Variants in KANSL2 observed in about 807,000 individuals in gnomAD.
The protein encoded by KANSL2 is KAT8 regulatory NSL complex subunit 2, also known as NSL complex protein NSL2.
In KANSL2, 34 loss-of-function variants were observed where a neutral mutation model predicts 55.6. That is an observed-to-expected ratio of 0.61 (90% CI 0.46 to 0.81). KANSL2 has a LOEUF of 0.81. KANSL2 is among the 40% of genes least tolerant of loss of function. The probability of loss-of-function intolerance (pLI) is 0.00; values close to 1 mark genes in which losing one functional copy is unlikely to be tolerated. For missense variants in KANSL2, 502 were observed against 609.9 expected (o/e 0.82, Z 1.86); for synonymous variants, 209 against 214.3 (o/e 0.98, Z 0.22).
chr12:48,662,676 G>A (rs1213974125), intron 7 of KANSL2: 2 of 1,283,612 alleles, frequency 1.6e-6, no homozygotes, highest in Admixed American at 4.7e-5. Flanking sequence ...ACTTAAGGAA[G>A]GGTAAGTGAC....
chr12:48,670,317 C>A (rs1375899606), intron 5 of KANSL2, among the ~76,000 whole-genome samples: 1 of 151,734 alleles, frequency 6.6e-6, no homozygotes, highest in Non-Finnish European at 1.5e-5. Context: ...GTACTCCACT[C>A]TATTTATTAA....
At chr12:48,672,240 A>T (rs1294130630) in intron 4 of KANSL2, among the ~76,000 whole-genome samples, 1 of 151,944 alleles carries the variant, frequency 6.6e-6, no homozygotes, top group Non-Finnish European at 1.5e-5. Flanking sequence ...GAAAGTGAAC[A>T]TGCGGAACAC....
chr12:48,669,993 G>A (rs2137192960), intron 5 of KANSL2, among the ~76,000 whole-genome samples: 1 of 152,046 alleles, frequency 6.6e-6, no homozygotes, highest in East Asian at 2.0e-4. Flanking sequence ...ACCAGATCAG[G>A]AGATTGAGAA....
chr12:48,654,092 ACT>A lies in KANSL2; in HGVS notation c.1429_1430del (p.Ser477TrpfsTer15). On this transcript the variant is annotated frameshift_variant, in exon 10 of 10. Coordinates refer to ENST00000420613, the MANE Select transcript of KANSL2 (RefSeq NM_017822.4). LOFTEE classifies it high-confidence loss of function. ...GCTTCCCATTTGCAGTAGCCAATCC[ACT>A]CTGAGACAATGGTGCAGAGGCTTTC... ...SEKASAPLSQ[S>X]GLATANGKPE... The A allele has an allele frequency of 6.2e-7, 1 of 1,612,232 alleles. No homozygotes were observed. The highest frequency in any genetic ancestry group is 8.5e-7 in the Non-Finnish European group (1 of 1,179,192).
intron 4 of KANSL2, among the ~76,000 whole-genome samples, chr12:48,678,407 T>C (rs1668910702): frequency 6.6e-6 from 1 of 152,172 alleles, no homozygotes; most frequent in African/African-American, 2.4e-5. Context: ...TCGGTTTCTC[T>C]TTCTTAGGCA....
chr12:48,657,166 A>G (rs1284194158), intron 8 of KANSL2, among the ~76,000 whole-genome samples: 2 of 152,172 alleles, frequency 1.3e-5, no homozygotes, highest in Non-Finnish European at 2.9e-5. Context: ...GCGGATCATG[A>G]GGTCAAGAGA....
intron 7 of KANSL2, 97 bp downstream of exon 7, chr12:48,667,596 G>A (rs750660861): frequency 4.0e-6 from 4 of 1,006,918 alleles, no homozygotes; most frequent in Non-Finnish European, 6.3e-6. Context: ...AGGGCCAAAG[G>A]AAAACAAAAT....
At chr12:48,654,477 C>T (rs1163156729) in intron 9 of KANSL2, 1 of 656,378 alleles carries the variant, frequency 1.5e-6, no homozygotes, top group Admixed American at 1.8e-5. Context: ...CTGCTTGAAA[C>T]CAACAGCCAC....
At chr12:48,664,989 C>A (rs1257516039) in intron 7 of KANSL2, among the ~76,000 whole-genome samples, 6 of 146,828 alleles carry the variant, frequency 4.1e-5, no homozygotes, top group Non-Finnish European at 9.0e-5. Context: ...CTCAAAAAAT[C>A]CTCCCAGGTA....
intron 4 of KANSL2, among the ~76,000 whole-genome samples, 190 bp downstream of exon 4, chr12:48,678,845 CT>C (rs767311271): frequency 2.0e-5 from 3 of 152,104 alleles, no homozygotes; most frequent in Admixed American, 6.5e-5. Flanking sequence ...AATTACAAGG[CT>C]TCTAAAAAAG....
chr12:48,669,302 G>A, intron 5 of KANSL2, 30 bp from the exon 6 acceptor site: 2 of 1,495,152 alleles, frequency 1.3e-6, no homozygotes, highest in African/African-American at 1.4e-5. Flanking sequence ...GATGTTATTT[G>A]CCAAGCAATC....
At chr12:48,672,035 T>A in intron 4 of KANSL2, 73 bp from the exon 5 acceptor site, 2 of 1,298,474 alleles carry the variant, frequency 1.5e-6, no homozygotes, top group Non-Finnish European at 2.1e-6. Flanking sequence ...AGAGTAGAGA[T>A]GTCAGACTAA....
chr12:48,675,663 C>T (rs146685751), intron 4 of KANSL2, among the ~76,000 whole-genome samples: 175 of 152,282 alleles, frequency 1.1e-3, no homozygotes, highest in African/African-American at 4.0e-3. Context: ...GAAGCCATTA[C>T]TATTAGAAGT....
At chr12:48,661,493 G>A (rs939919683) in intron 7 of KANSL2, among the ~76,000 whole-genome samples, 5 of 151,966 alleles carry the variant, frequency 3.3e-5, no homozygotes, top group African/African-American at 1.2e-4. Flanking sequence ...TAACTACCTG[G>A]TTATCTTCCT....
At chr12:48,667,092 G>A (rs1202074641) in intron 7 of KANSL2, among the ~76,000 whole-genome samples, 7 of 150,932 alleles carry the variant, frequency 4.6e-5, no homozygotes, top group African/African-American at 1.2e-4. Context: ...GCTTGAACTC[G>A]GGAGGCGGAG....
intron 7 of KANSL2, among the ~76,000 whole-genome samples, chr12:48,664,257 C>T (rs113267624): frequency 0.02 from 2,892 of 147,020 alleles, 94 homozygotes; most frequent in African/African-American, 0.068. Flanking sequence ...CCCATAGCCT[C>T]TGCCCAATTA....
Position 48,679,819 on chromosome 12 carries a change from G to C in KANSL2, c.266C>G (p.Ala89Gly), listed in dbSNP as rs1009414895. 1 of 1,602,632 alleles carries C rather than the reference G, an allele frequency of 6.2e-7. No individual in the cohort carries two copies. The highest frequency in any genetic ancestry group is 8.5e-7 in the Non-Finnish European group (1 of 1,174,354). ...CAGGGCATTCCTACGGACATGTTCAGCACAGAAGGACACCCTGAAGAGACA... is the reference window on the plus strand; with the variant it reads ...CAGGGCATTCCTACGGACATGTTCACCACAGAAGGACACCCTGAAGAGACA... Reference protein sequence around the residue: ...PEKKDGVSFCAEHVRRNALAL... With the variant: ...PEKKDGVSFCGEHVRRNALAL... The change falls in exon 3 of 10, where the codon GCT (alanine) becomes GGT (glycine). Residue 89 changes from alanine to glycine, a missense_variant. Physicochemically the swap from Ala to Gly is moderately conservative, Grantham distance 60 (BLOSUM62 0). Transcript: ENST00000420613.
At chr12:48,677,798 A>AG (rs1452365129) in intron 4 of KANSL2, among the ~76,000 whole-genome samples, 1 of 151,296 alleles carries the variant, frequency 6.6e-6, no homozygotes, top group Admixed American at 6.6e-5. Context: ...AAAAAAAAAA[A>AG]AAAAAAAAAA....
chr12:48,657,617 T>C (rs1279900778), intron 8 of KANSL2, among the ~76,000 whole-genome samples: 1 of 151,904 alleles, frequency 6.6e-6, no homozygotes, highest in African/African-American at 2.4e-5. Context: ...TGTGTGTGTG[T>C]GTGCGTGCGT....
Sources: gnomAD v4.1 joint callset for allele counts (sites outside exome capture counted in the v4.1 genomes callset) on GRCh38, gnomAD v4.1.1 for gene constraint, MANE v1.5 for transcripts, NCBI Gene and HGNC (gene_info 2026-07-23, HGNC 2026-07-21) for gene names.